ACYP1: variants seen among roughly 807,000 people sequenced by gnomAD.
The protein encoded by ACYP1 is acylphosphatase-1.
Under a neutral mutation model 10.4 loss-of-function variants are expected in ACYP1, and 8 were observed. The observed-to-expected ratio is 0.77, with a 90% CI of 0.45 to 1.38. The LOEUF (loss-of-function observed/expected upper bound fraction) is 1.38, where lower values mean the gene tolerates loss of function less well. Ranked by LOEUF, ACYP1 falls within the 40% of genes most tolerant of loss-of-function variation. The pLI, the probability that ACYP1 is intolerant of heterozygous loss-of-function variation, is 0.00. For synonymous variants in ACYP1, 38 were observed against 40.8 expected, an observed-to-expected ratio of 0.93 and a Z score of 0.26; for missense variants, 93 against 117.3, an observed-to-expected ratio of 0.79 and a Z score of 0.96.
At chr14:75,061,121 C>T (rs1381762350) in intron 2 of ACYP1, among the ~76,000 whole-genome samples, 1 of 151,954 alleles carries the variant, frequency 6.6e-6, no homozygotes, top group Non-Finnish European at 1.5e-5. Flanking sequence ...TAGGCAAATC[C>T]ATAGAGACAG....
At position 75,053,418 on chromosome 14, in the gene ACYP1, A is replaced by G. The variant is rs1248806553; in HGVS notation, c.*26T>C. 1 of 1,596,858 alleles carries G rather than the reference A, an allele frequency of 6.3e-7. No homozygotes were observed. On this transcript the variant is annotated 3_prime_UTR_variant, in exon 3 of 3. Transcript: ENST00000238618. ...TAATAAAAACCAAACCACTGAGTTTATCTTAGAAAACTTAAATTCAGGCCA... is the reference window on the plus strand; with the variant it reads ...TAATAAAAACCAAACCACTGAGTTTGTCTTAGAAAACTTAAATTCAGGCCA...
intron 2 of ACYP1, chr14:75,062,946 T>A (rs565148997): frequency 6.5e-6 from 1 of 154,280 alleles, no homozygotes; most frequent in East Asian, 1.9e-4. Context: ...GAGTTTTTAA[T>A]AAGAAAAACG....
chr14:75,068,932 G>T (rs1893218642), upstream of ACYP1, among the ~76,000 whole-genome samples: 1 of 152,126 alleles, frequency 6.6e-6, no homozygotes, highest in African/African-American at 2.4e-5. Context: ...ACTTTCTTTT[G>T]ATGTCAACAA....
chr14:75,057,272 T>C (rs1455729798), intron 2 of ACYP1, among the ~76,000 whole-genome samples: 1 of 151,234 alleles, frequency 6.6e-6, no homozygotes, highest in Admixed American at 6.6e-5. Flanking sequence ...AAAGATAGAG[T>C]GTCTAGGAAT....
upstream of ACYP1, among the ~76,000 whole-genome samples, chr14:75,068,408 A>G (rs779486387): frequency 7.9e-5 from 12 of 152,208 alleles, no homozygotes; most frequent in Non-Finnish European, 1.5e-4. Flanking sequence ...GAGGGTACTG[A>G]AAAGGACTAA....
rs183862600 is a variant in ACYP1, at chr14:75,054,623, G to A, written c.85-964C>T. Among the ~76,000 whole-genome samples, 239 of 151,684 alleles carry A rather than the reference G, an allele frequency of 1.6e-3. 12 individuals carry two copies. Among genetic ancestry groups the A allele is most frequent in the African/African-American group, 5.6e-3 (229 of 41,048 alleles). ...ATTGCATGTCAAAATGTGGGAAATT[G>A]CTGGAGTTGGCCAAAGAAAACGTTA... On this transcript the variant is annotated intron_variant, in intron 2 of 2. Transcript: ENST00000238618.
chr14:75,056,152 G>A (rs1892872041), intron 2 of ACYP1, among the ~76,000 whole-genome samples: 1 of 150,906 alleles, frequency 6.6e-6, no homozygotes, highest in Non-Finnish European at 1.5e-5. Flanking sequence ...AAAAGCCCAG[G>A]ACCAGATGGC....
intron 2 of ACYP1, 192 bp downstream of exon 2, chr14:75,063,278 C>T (rs1462248234): frequency 1.6e-5 from 9 of 579,382 alleles, no homozygotes; most frequent in Non-Finnish European, 2.5e-5. Flanking sequence ...ATAATAACAG[C>T]AGGGTGATCT....
intron 2 of ACYP1, among the ~76,000 whole-genome samples, chr14:75,056,123 C>A (rs1274546873): frequency 4.0e-5 from 6 of 151,268 alleles, no homozygotes; most frequent in East Asian, 1.9e-4. Flanking sequence ...AATTTGTAAT[C>A]AAAAACTTCC....
At chr14:75,060,304 C>T (rs1892985635) in intron 2 of ACYP1, 4 of 666,520 alleles carry the variant, frequency 6.0e-6, no homozygotes. Flanking sequence ...TTACCTCATA[C>T]CCACTAGGAT....
chr14:75,057,825 C>T (rs900100118), intron 2 of ACYP1, among the ~76,000 whole-genome samples: 4 of 149,842 alleles, frequency 2.7e-5, no homozygotes, highest in Admixed American at 6.6e-5. Context: ...ATTAGCCGGG[C>T]GCAGTGGTGG....
chr14:75,064,013 A>G lies in ACYP1; in HGVS notation c.-68T>C. On this transcript the variant is annotated 5_prime_UTR_variant, in exon 1 of 3. Coordinates refer to ENST00000238618, the MANE Select transcript of ACYP1 (RefSeq NM_001107.5). ...TCCGGGACCACCACGCCAACGGCTCACCAAGGCGCGCAAACCTCCGCGCCC... is the reference window on the plus strand; with the variant it reads ...TCCGGGACCACCACGCCAACGGCTCGCCAAGGCGCGCAAACCTCCGCGCCC... 2.0e-6 allele frequency: 2 copies of G among 988,712 alleles called. No individual in the cohort carries two copies. Among genetic ancestry groups the G allele is most frequent in the Admixed American group, 5.9e-5 (1 of 16,918 alleles). The allele number at this position is 988,712 out of a possible 1,614,324, so 61.2% of individuals were successfully genotyped here. A position where few individuals can be genotyped will look rare whatever the true frequency, so the allele number is the denominator to read the frequency against.
chr14:75,068,228 T>C (rs991740876), upstream of ACYP1, among the ~76,000 whole-genome samples: 7 of 149,100 alleles, frequency 4.7e-5, no homozygotes, highest in East Asian at 2.0e-4. Context: ...GAGGCAGAGG[T>C]GGCAGTGAGC....
chr14:75,064,263 C>G (rs951792504), upstream of ACYP1: 1 of 152,628 alleles, frequency 6.6e-6, no homozygotes, highest in Non-Finnish European at 1.5e-5. Flanking sequence ...CAACCCTCTT[C>G]TCATTTTCTC....
chr14:75,059,159 A>C (rs957770311), intron 2 of ACYP1, among the ~76,000 whole-genome samples: 1 of 141,750 alleles, frequency 7.1e-6, no homozygotes, highest in Non-Finnish European at 1.5e-5. Flanking sequence ...GCCACTGCAC[A>C]GAGCGAGACT....
intron 2 of ACYP1, among the ~76,000 whole-genome samples, chr14:75,055,440 A>C (rs1171768237): frequency 6.6e-6 from 1 of 151,338 alleles, no homozygotes; most frequent in East Asian, 1.9e-4. Flanking sequence ...ACCAGTGTTG[A>C]GAATGGGCGT....
At chr14:75,058,924 G>A (rs1892949649) in intron 2 of ACYP1, among the ~76,000 whole-genome samples, 1 of 152,188 alleles carries the variant, frequency 6.6e-6, no homozygotes, top group Admixed American at 6.5e-5. Flanking sequence ...AGGCGGCTGG[G>A]CGCGGTGGCT....
chr14:75,066,278 T>C (rs1254050753), upstream of ACYP1, among the ~76,000 whole-genome samples: 1 of 152,212 alleles, frequency 6.6e-6, no homozygotes, highest in African/African-American at 2.4e-5. Flanking sequence ...CATTTAGTAA[T>C]TAGCTTGATT....
At chr14:75,068,442 A>G (rs575982842), upstream of ACYP1, among the ~76,000 whole-genome samples, 1 of 152,156 alleles carries the variant, frequency 6.6e-6, no homozygotes, top group Non-Finnish European at 1.5e-5. Context: ...AATGGAACTC[A>G]ATGGAAAGTC....
Sources: allele counts gnomAD v4.1 joint callset (sites outside exome capture counted in the v4.1 genomes callset), GRCh38; gene constraint gnomAD v4.1.1; transcripts MANE v1.5; gene names NCBI Gene and HGNC (gene_info 2026-07-23, HGNC 2026-07-21).